The following SKAP2 variants were observed in gnomAD, a reference collection of about 807,000 sequenced individuals.
SKAP2 encodes src kinase-associated phosphoprotein 2.
SKAP2 carries 28 observed loss-of-function variants against 54.9 expected under a neutral mutation model. That is an observed-to-expected ratio of 0.51 (90% CI 0.38 to 0.70). The LOEUF (loss-of-function observed/expected upper bound fraction) is 0.70. Among genes scored for constraint, SKAP2 ranks in the 30% least tolerant of loss-of-function variants. The pLI is 0.00. For missense variants in SKAP2, 356 were observed against 424.1 expected, an observed-to-expected ratio of 0.84 and a Z score of 1.41; for synonymous variants, 137 against 134.3, an observed-to-expected ratio of 1.02 and a Z score of -0.14.
chr7:26,689,822 G>C (rs1211230105), intron 10 of SKAP2, among the ~76,000 whole-genome samples: 1 of 152,162 alleles, frequency 6.6e-6, no homozygotes, highest in East Asian at 1.9e-4. Flanking sequence ...TACATTGCCA[G>C]TCCCCTGGGC....
At position 26,690,381 on chromosome 7, in the gene SKAP2, A is replaced by T; in HGVS notation, c.797-19T>A. On this transcript the variant is annotated intron_variant, in intron 9 of 12. Transcript: ENST00000345317. ...TCTTCTTCTGTAAATAAACATTATC[A>T]ATGGCACATTGAAGGGTTTTCTCAG... The T allele has an allele frequency of 6.5e-7, 1 of 1,547,346 alleles. No individual in the cohort carries two copies. The highest frequency in any genetic ancestry group is 8.9e-7 in the Non-Finnish European group (1 of 1,119,284).
chr7:26,673,991 C>CA (rs1389309689), intron 11 of SKAP2, among the ~76,000 whole-genome samples: 2 of 152,072 alleles, frequency 1.3e-5, no homozygotes, highest in Non-Finnish European at 2.9e-5. Flanking sequence ...TCTTTTTCAG[C>CA]ACCATGACTG....
At chr7:26,660,843 A>C in the SKAP2 span, among the ~76,000 whole-genome samples, 1 of 152,200 alleles carries the variant, frequency 6.6e-6, no homozygotes, top group Non-Finnish European at 1.5e-5. Flanking sequence ...AAGGAATCAC[A>C]TCACAAAGCA....
chr7:26,703,505 T>C (rs1787091278), intron 9 of SKAP2, among the ~76,000 whole-genome samples: 1 of 152,204 alleles, frequency 6.6e-6, no homozygotes, highest in South Asian at 2.1e-4. Flanking sequence ...ATTTGAAAGA[T>C]ACAACATAAC....
At position 26,864,397 on chromosome 7, in the gene SKAP2, G is replaced by A. The variant is rs1785331484; in HGVS notation, c.33C>T (p.Tyr11=). Residue 11 remains tyrosine, a synonymous_variant, in exon 1 of 13, where the codon TAC becomes TAT. Transcript: ENST00000345317. The part of the protein sequence containing the change: MPNPSSTSSP[Y]PLPEEIRNLL... Reference sequence around the variant, plus strand: ...GGTTCCTAATTTCCTCAGGGAGGGGGTAGGGAGAGGAGGTGCTGCTGGGGT... The same window carrying A: ...GGTTCCTAATTTCCTCAGGGAGGGGATAGGGAGAGGAGGTGCTGCTGGGGT... 3.1e-6 allele frequency: 5 copies of A among 1,612,660 alleles called. No individual in the cohort carries two copies. The highest frequency in any genetic ancestry group is 3.3e-5 in the Admixed American group (2 of 59,890).
chr7:26,854,760 A>C (rs1400546477), intron 2 of SKAP2, 25 bp downstream of exon 2: 9 of 1,562,704 alleles, frequency 5.8e-6, no homozygotes, highest in Non-Finnish European at 7.8e-6. Flanking sequence ...GTAAGAAATC[A>C]GTAAACAAAA....
chr7:26,803,051 T>C (rs1019727367), intron 4 of SKAP2, among the ~76,000 whole-genome samples: 1 of 152,094 alleles, frequency 6.6e-6, no homozygotes, highest in Non-Finnish European at 1.5e-5. Flanking sequence ...TCCAGGACAT[T>C]AGTCTGGGTA....
chr7:26,857,077 T>C (rs1327947903), intron 1 of SKAP2, among the ~76,000 whole-genome samples: 1 of 151,546 alleles, frequency 6.6e-6, no homozygotes, highest in Admixed American at 6.6e-5. Flanking sequence ...TGACAAAGTT[T>C]TTTTTGAAAG....
chr7:26,668,852 T>C lies in SKAP2; in HGVS notation c.*814A>G, dbSNP rs906296322. The C allele has an allele frequency of 1.3e-5, 2 of 152,026 alleles. No homozygotes were observed. The highest frequency in any genetic ancestry group is 4.8e-5 in the African/African-American group (2 of 41,388). 9.4% of individuals were successfully genotyped at this position (152,026 alleles called of 1,614,324 possible). On this transcript the variant is annotated 3_prime_UTR_variant, in exon 13 of 13. Transcript: ENST00000345317. ...GGCTAATTTTTAGTAGAGACAGGGT[T>C]TCACCATGTTGGCCTGGCTGGGAGA...
intron 4 of SKAP2, among the ~76,000 whole-genome samples, chr7:26,828,955 G>T (rs1399020227): frequency 6.6e-6 from 1 of 151,878 alleles, no homozygotes; most frequent in Non-Finnish European, 1.5e-5. Context: ...GGAACCCAGT[G>T]GGGGCAGAGG....
downstream of SKAP2, among the ~76,000 whole-genome samples, chr7:26,662,308 T>C (rs1188583228): frequency 9.9e-5 from 15 of 152,148 alleles, no homozygotes; most frequent in Admixed American, 9.2e-4. Context: ...CTGAAACCCT[T>C]GCGTTTCCCT....
At chr7:26,779,093 T>C (rs189199774) in intron 4 of SKAP2, among the ~76,000 whole-genome samples, 156 of 152,126 alleles carry the variant, frequency 1.0e-3, no homozygotes, top group Non-Finnish European at 5.6e-4. Context: ...CATAAAACAG[T>C]AATAACTGTT....
chr7:26,682,095 A>G (rs1310693167), intron 11 of SKAP2, among the ~76,000 whole-genome samples: 1 of 152,202 alleles, frequency 6.6e-6, no homozygotes, highest in Admixed American at 6.5e-5. Context: ...ACTGCGAGGC[A>G]CCTAAAAATG....
At chr7:26,743,087 C>T (rs1782487630) in intron 4 of SKAP2, among the ~76,000 whole-genome samples, 1 of 152,144 alleles carries the variant, frequency 6.6e-6, no homozygotes, top group Non-Finnish European at 1.5e-5. Context: ...AGAGCTGCCA[C>T]ATGTTTGCCA....
Position 26,844,071 on chromosome 7 carries a change from G to C in SKAP2, c.266C>G (p.Ala89Gly). 6.2e-7 allele frequency: 1 copy of C among 1,612,128 alleles called. No homozygotes were observed. Among genetic ancestry groups the C allele is most frequent in the Non-Finnish European group, 8.5e-7 (1 of 1,178,790 alleles). The change falls in exon 4 of 13, where the codon GCC (alanine) becomes GGC (glycine). Residue 89 changes from alanine (A) to glycine (G), a missense_variant. Coordinates refer to ENST00000345317, the MANE Select transcript of SKAP2 (RefSeq NM_003930.5). The part of the protein sequence containing the change: ...FAGPPDTISL[A>G]SERYDKDDEA... The stretch of plus-strand genomic sequence containing the variant: ...ATCGTCTTTATCATATCGTTCTGAG[G>C]CTAATGAAATAGTGTCTGGAGGCCC...
At chr7:26,795,278 T>A (rs1264030286) in intron 4 of SKAP2, among the ~76,000 whole-genome samples, 2 of 152,186 alleles carry the variant, frequency 1.3e-5, no homozygotes, top group Non-Finnish European at 2.9e-5. Context: ...ATGTGAAAGA[T>A]CCAGATGTTG....
chr7:26,852,220 G>C (rs1314008586), intron 3 of SKAP2, among the ~76,000 whole-genome samples: 4 of 152,064 alleles, frequency 2.6e-5, no homozygotes, highest in African/African-American at 9.7e-5. Context: ...ACTTAGAATT[G>C]AATTTACTCA....
intron 4 of SKAP2, among the ~76,000 whole-genome samples, chr7:26,755,264 A>C (rs187227652): frequency 6.6e-6 from 1 of 152,152 alleles, no homozygotes; most frequent in Non-Finnish European, 1.5e-5. Flanking sequence ...AATTCCTCAG[A>C]GGATGCTGAA....
intron 11 of SKAP2, among the ~76,000 whole-genome samples, chr7:26,678,578 C>T (rs1211791906): frequency 4.0e-5 from 6 of 151,600 alleles, no homozygotes; most frequent in African/African-American, 1.5e-4. Flanking sequence ...GTAGCTGGGA[C>T]TACAGGTGCG....
Sources: allele counts gnomAD v4.1 joint callset (sites outside exome capture counted in the v4.1 genomes callset), GRCh38; gene constraint gnomAD v4.1.1; transcripts MANE v1.5; gene names NCBI Gene and HGNC (gene_info 2026-07-23, HGNC 2026-07-21).